Variants in NDUFAF2 observed in about 807,000 individuals in gnomAD.
NDUFAF2 encodes the protein NADH dehydrogenase [ubiquinone] 1 alpha subcomplex assembly factor 2.
In NDUFAF2, 13 loss-of-function variants were observed where a neutral mutation model predicts 22.8. The observed-to-expected ratio is 0.57, with a 90% CI of 0.37 to 0.91. The LOEUF (loss-of-function observed/expected upper bound fraction) is 0.91, where lower values mean the gene tolerates loss of function less well. Among genes scored for constraint, NDUFAF2 ranks in the 40% least tolerant of loss-of-function variants. NDUFAF2 has a pLI of 0.01. For synonymous variants in NDUFAF2, 53 were observed against 64.2 expected, an observed-to-expected ratio of 0.83 and a Z score of 0.84; for missense variants, 162 against 195.2, an observed-to-expected ratio of 0.83 and a Z score of 1.01.
At chr5:61,042,031 C>A (rs248678) in intron 1 of NDUFAF2, among the ~76,000 whole-genome samples, 1 of 151,958 alleles carries the variant, frequency 6.6e-6, no homozygotes, top group East Asian at 1.9e-4. Context: ...GGTATGACCA[C>A]GTAGATTTGT....
chr5:61,064,371 T>G (rs1752203945), intron 1 of NDUFAF2, among the ~76,000 whole-genome samples: 1 of 152,128 alleles, frequency 6.6e-6, no homozygotes, highest in East Asian at 1.9e-4. Context: ...AATACTGGAC[T>G]TGAATTGCAC....
chr5:60,970,235 G>T (rs1343342443), intron 1 of NDUFAF2, among the ~76,000 whole-genome samples: 2 of 152,048 alleles, frequency 1.3e-5, no homozygotes, highest in Non-Finnish European at 2.9e-5. Context: ...ATACATTTTA[G>T]GATTGTTTTT....
chr5:61,069,678 C>T (rs965111934), intron 1 of NDUFAF2, among the ~76,000 whole-genome samples: 1 of 152,076 alleles, frequency 6.6e-6, no homozygotes, highest in Non-Finnish European at 1.5e-5. Context: ...CCAGGGTGCT[C>T]ATACACTGTC....
intron 2 of NDUFAF2, among the ~76,000 whole-genome samples, chr5:61,076,113 C>A (rs1050700168): frequency 2.0e-5 from 3 of 152,138 alleles, no homozygotes; most frequent in Non-Finnish European, 2.9e-5. Context: ...GCTCTTTGCC[C>A]AGGCTGGAGT....
chr5:60,962,932 C>T (rs941508520), intron 1 of NDUFAF2, among the ~76,000 whole-genome samples: 1 of 151,980 alleles, frequency 6.6e-6, no homozygotes, highest in African/African-American at 2.4e-5. Flanking sequence ...ATAGCCCAGG[C>T]TGGAGTGCAG....
intron 3 of NDUFAF2, among the ~76,000 whole-genome samples, chr5:61,106,339 A>C (rs1248548760): frequency 6.6e-6 from 1 of 151,456 alleles, no homozygotes; most frequent in Non-Finnish European, 1.5e-5. Context: ...TTTATATTAT[A>C]TGTGCTTCTT....
chr5:61,057,240 C>T (rs1752111325), intron 1 of NDUFAF2, among the ~76,000 whole-genome samples: 1 of 152,006 alleles, frequency 6.6e-6, no homozygotes, highest in Non-Finnish European at 1.5e-5. Context: ...CCTTTCTGAA[C>T]ACTGGAAGCA....
intron 1 of NDUFAF2, among the ~76,000 whole-genome samples, chr5:61,061,445 T>C (rs1752164834): frequency 6.6e-6 from 1 of 152,178 alleles, no homozygotes; most frequent in South Asian, 2.1e-4. Context: ...TGCTCAGACA[T>C]TTTGGTTTCA....
At chr5:61,095,199 G>A (rs1325302448) in intron 2 of NDUFAF2, among the ~76,000 whole-genome samples, 8 of 152,096 alleles carry the variant, frequency 5.3e-5, no homozygotes, top group East Asian at 1.9e-4. Context: ...GCTCCTGCCC[G>A]GGGAGGAGGA....
At chr5:61,137,958 C>T (rs975390238) in intron 3 of NDUFAF2, among the ~76,000 whole-genome samples, 20 of 152,194 alleles carry the variant, frequency 1.3e-4, no homozygotes, top group African/African-American at 4.6e-4. Flanking sequence ...CCTTTATGGC[C>T]CTGCCTGCCT....
intron 3 of NDUFAF2, among the ~76,000 whole-genome samples, chr5:61,126,797 T>G (rs1753041018): frequency 6.6e-6 from 1 of 151,990 alleles, no homozygotes; most frequent in Admixed American, 6.6e-5. Context: ...AAAGCACTAC[T>G]GAAGCAGATA....
intron 3 of NDUFAF2, among the ~76,000 whole-genome samples, chr5:61,112,634 C>CTA (rs1752858982): frequency 6.6e-6 from 1 of 152,092 alleles, no homozygotes; most frequent in Admixed American, 6.6e-5. Flanking sequence ...TATTTTCAGG[C>CTA]TATATGAGTC....
intron 1 of NDUFAF2, among the ~76,000 whole-genome samples, chr5:60,977,656 G>A (rs1005547182): frequency 6.6e-6 from 1 of 151,904 alleles, no homozygotes; most frequent in South Asian, 2.1e-4. Flanking sequence ...GGTCAATATG[G>A]TGAAACCCCG....
chr5:61,106,952 C>T (rs1375720937), intron 3 of NDUFAF2, among the ~76,000 whole-genome samples: 1 of 150,420 alleles, frequency 6.6e-6, no homozygotes, highest in Non-Finnish European at 1.5e-5. Context: ...ATTTAGGTTG[C>T]TTCCAAGTCT....
intron 1 of NDUFAF2, among the ~76,000 whole-genome samples, chr5:60,955,918 TG>T (rs1354773182): frequency 4.8e-5 from 6 of 125,150 alleles, no homozygotes; most frequent in African/African-American, 1.3e-4. Flanking sequence ...ATGTTGACTT[TG>T]TTTTTTTTTT....
chr5:60,964,444 G>A (rs1009362270), intron 1 of NDUFAF2, among the ~76,000 whole-genome samples: 20 of 150,052 alleles, frequency 1.3e-4, no homozygotes, highest in Non-Finnish European at 2.5e-4. Context: ...CTTACAAAGT[G>A]TACAACACTT....
chr5:60,987,388 C>A (rs560488328), intron 1 of NDUFAF2, among the ~76,000 whole-genome samples: 60 of 152,250 alleles, frequency 3.9e-4, no homozygotes, highest in Admixed American at 1.5e-3. Flanking sequence ...TGAAGATATT[C>A]CAAAAAATTG....
chr5:61,109,310 A>G (rs1752806578), intron 3 of NDUFAF2, among the ~76,000 whole-genome samples: 1 of 152,254 alleles, frequency 6.6e-6, no homozygotes, highest in Non-Finnish European at 1.5e-5. Context: ...GTGTACTGCA[A>G]CCTTACTGAA....
intron 1 of NDUFAF2, among the ~76,000 whole-genome samples, chr5:61,057,838 G>C (rs1056753846): frequency 1.3e-5 from 2 of 152,128 alleles, no homozygotes; most frequent in Non-Finnish European, 2.9e-5. Flanking sequence ...AGATGATTAT[G>C]TGATCTCCTT....
Sources: allele counts gnomAD v4.1 joint callset (sites outside exome capture counted in the v4.1 genomes callset), GRCh38; gene constraint gnomAD v4.1.1; transcripts MANE v1.5; gene names NCBI Gene and HGNC (gene_info 2026-07-23, HGNC 2026-07-21).